The following DPP10 variants were observed in gnomAD, a reference collection of about 807,000 sequenced individuals.
The protein encoded by DPP10 is inactive dipeptidyl peptidase 10.
Under a neutral mutation model 120.9 loss-of-function variants are expected in DPP10, and 33 were observed. The observed-to-expected ratio is 0.27, with a 90% CI of 0.21 to 0.37. DPP10 has a LOEUF of 0.37. DPP10 is among the 10% of genes least tolerant of loss of function. The pLI is 1.00. For synonymous variants in DPP10, 337 were observed against 326.1 expected, an observed-to-expected ratio of 1.03 and a Z score of -0.36; for missense variants, 816 against 942.8, an observed-to-expected ratio of 0.87 and a Z score of 1.76.
chr2:115,312,827 T>C (rs540231133), intron 2 of DPP10, among the ~76,000 whole-genome samples: 2 of 152,250 alleles, frequency 1.3e-5, no homozygotes, highest in Admixed American at 6.5e-5. Flanking sequence ...TTCAACCAAG[T>C]AGAGGAATCT....
At chr2:114,652,168 G>T (rs891605148) in intron 1 of DPP10, among the ~76,000 whole-genome samples, 4 of 152,164 alleles carry the variant, frequency 2.6e-5, no homozygotes, top group Non-Finnish European at 5.9e-5. Context: ...GTGCTGGGGG[G>T]TGGGTTCCCC....
intron 1 of DPP10, among the ~76,000 whole-genome samples, chr2:115,301,625 T>A (rs1243419399): frequency 1.3e-5 from 2 of 152,008 alleles, no homozygotes; most frequent in Non-Finnish European, 2.9e-5. Context: ...TTACCAGAGC[T>A]CCCAAAAAGC....
intron 5 of DPP10, among the ~76,000 whole-genome samples, chr2:115,677,757 T>A (rs956109269): frequency 6.6e-6 from 1 of 152,174 alleles, no homozygotes; most frequent in Non-Finnish European, 1.5e-5. Context: ...TACCATAGCA[T>A]CCAGATTTAC....
chr2:114,795,342 T>A (rs1683613109), intron 1 of DPP10, among the ~76,000 whole-genome samples: 4 of 149,920 alleles, frequency 2.7e-5, no homozygotes, highest in African/African-American at 7.3e-5. Context: ...AAAAAAAAAA[T>A]TAGCCTGGCA....
chr2:115,817,144 A>G (rs1687330208), intron 21 of DPP10, among the ~76,000 whole-genome samples: 1 of 151,804 alleles, frequency 6.6e-6, no homozygotes, highest in African/African-American at 2.4e-5. Context: ...GCTACTCGGG[A>G]AGCTGAGGCA....
intron 5 of DPP10, among the ~76,000 whole-genome samples, chr2:115,547,377 G>A (rs545789900): frequency 4.7e-4 from 71 of 152,276 alleles, no homozygotes; most frequent in African/African-American, 1.1e-3. Context: ...TAAGACTTCC[G>A]TGATACGATG....
intron 1 of DPP10, among the ~76,000 whole-genome samples, chr2:114,880,644 A>G (rs1478249751): frequency 6.6e-6 from 1 of 152,214 alleles, no homozygotes; most frequent in Admixed American, 6.6e-5. Context: ...AACATAATTT[A>G]AGAAACTTTA....
intron 3 of DPP10, among the ~76,000 whole-genome samples, chr2:115,382,507 A>T (rs368691421): frequency 6.6e-6 from 1 of 152,204 alleles, no homozygotes; most frequent in South Asian, 2.1e-4. Flanking sequence ...AAATGCAGAA[A>T]TCACTGGTCT....
intron 2 of DPP10, among the ~76,000 whole-genome samples, chr2:115,330,716 C>G (rs1484132059): frequency 9.2e-5 from 14 of 151,936 alleles, no homozygotes; most frequent in Admixed American, 1.3e-4. Context: ...GCTTGTTTTT[C>G]TCAGGTTTGT....
At chr2:114,987,500 T>C (rs1438112662) in intron 1 of DPP10, among the ~76,000 whole-genome samples, 4 of 152,190 alleles carry the variant, frequency 2.6e-5, no homozygotes, top group Non-Finnish European at 5.9e-5. Context: ...ATCTCCTTTC[T>C]TCTCTTTCCT....
chr2:115,162,255 G>T (rs866155718), intron 1 of DPP10: 1 of 1,559,760 alleles, frequency 6.4e-7, no homozygotes, highest in Non-Finnish European at 8.7e-7. Flanking sequence ...GGAGAGCCGC[G>T]GGGAAGGGGG....
At chr2:115,296,266 G>T (rs1338764579) in intron 1 of DPP10, among the ~76,000 whole-genome samples, 1 of 152,050 alleles carries the variant, frequency 6.6e-6, no homozygotes, top group Non-Finnish European at 1.5e-5. Flanking sequence ...ATGCTCGGCG[G>T]CCTCTAAAGG....
At chr2:114,730,918 T>A (rs149506512) in intron 1 of DPP10, among the ~76,000 whole-genome samples, 1 of 150,762 alleles carries the variant, frequency 6.6e-6, no homozygotes, top group Non-Finnish European at 1.5e-5. Flanking sequence ...TTTTTTTTTT[T>A]AAACTTGCTG....
Position 115,840,758 on chromosome 2 carries a change from C to A in DPP10, c.2191C>A (p.His731Asn), listed in dbSNP as rs771300943. ...IIHGTADTKV[H>N]FQHSAELIKH... is the part of the protein sequence containing the mutation. ...AATTTGATTTCTTGCAGCAAAAGTT[C>A]ATTTCCAACACTCAGCAGAATTAAT... The change falls in exon 25 of 26, where the codon CAT becomes AAT. Residue 731 changes from histidine to asparagine, a missense_variant. Coordinates refer to ENST00000410059, the MANE Select transcript of DPP10 (RefSeq NM_020868.6). The A allele has an allele frequency of 6.2e-7, 1 of 1,613,470 alleles. No individual in the cohort carries two copies. Among genetic ancestry groups the A allele is most frequent in the Non-Finnish European group, 8.5e-7 (1 of 1,179,768 alleles).
intron 5 of DPP10, among the ~76,000 whole-genome samples, chr2:115,602,552 A>C (rs2083398891): frequency 6.6e-6 from 1 of 152,154 alleles, no homozygotes; most frequent in Non-Finnish European, 1.5e-5. Context: ...AGTCATATAA[A>C]TTTCTTTATT....
intron 1 of DPP10, among the ~76,000 whole-genome samples, chr2:115,139,653 T>C (rs1218403290): frequency 1.3e-5 from 2 of 150,176 alleles, no homozygotes; most frequent in East Asian, 3.9e-4. Context: ...AAAGCAGGTT[T>C]TGTGAAACAC....
intron 5 of DPP10, among the ~76,000 whole-genome samples, chr2:115,595,922 G>A (rs1289652542): frequency 6.6e-6 from 1 of 151,658 alleles, no homozygotes; most frequent in Non-Finnish European, 1.5e-5. Flanking sequence ...TTTATATCTA[G>A]TAGTTTTAAT....
At chr2:114,473,952 G>A (rs991526926) in intron 1 of DPP10, among the ~76,000 whole-genome samples, 6 of 152,126 alleles carry the variant, frequency 3.9e-5, no homozygotes, top group African/African-American at 1.4e-4. Flanking sequence ...GAATGCTTTT[G>A]TTATTTTTCG....
chr2:115,646,233 A>C (rs1176321711), intron 5 of DPP10, among the ~76,000 whole-genome samples: 2 of 152,166 alleles, frequency 1.3e-5, no homozygotes, highest in Non-Finnish European at 2.9e-5. Flanking sequence ...TCTACCTGGC[A>C]GTGATGGAGA....
Sources: allele counts gnomAD v4.1 joint callset (sites outside exome capture counted in the v4.1 genomes callset), GRCh38; gene constraint gnomAD v4.1.1; transcripts MANE v1.5; gene names NCBI Gene and HGNC (gene_info 2026-07-23, HGNC 2026-07-21).